FHIP1B: variants seen among roughly 807,000 people sequenced by gnomAD.
FHIP1B encodes FHF complex subunit HOOK-interacting protein 1B.
Under a neutral mutation model 82.2 loss-of-function variants are expected in FHIP1B, and 28 were observed. The observed-to-expected ratio is 0.34, with a 90% CI of 0.25 to 0.47. FHIP1B has a LOEUF of 0.47. Among genes scored for constraint, FHIP1B ranks in the 20% least tolerant of loss-of-function variants. The probability of loss-of-function intolerance (pLI) is 1.00; values close to 1 mark genes in which losing one functional copy is unlikely to be tolerated. For synonymous variants in FHIP1B, 585 were observed against 516.1 expected (o/e 1.13, Z -1.81); for missense variants, 1,110 against 1,262.6 (o/e 0.88, Z 1.83).
intron 1 of FHIP1B, among the ~76,000 whole-genome samples, chr11:6,226,415 T>A (rs1234251662): frequency 6.6e-6 from 1 of 152,190 alleles, no homozygotes; most frequent in African/African-American, 2.4e-5. Context: ...AGCATAAACA[T>A]AAATCCAACA....
chr11:6,230,913 G>T (rs1847680258), intron 1 of FHIP1B, among the ~76,000 whole-genome samples: 1 of 152,206 alleles, frequency 6.6e-6, no homozygotes, highest in African/African-American at 2.4e-5. Flanking sequence ...ACAGACTAGG[G>T]AGTGGCACAC....
Position 6,222,594 on chromosome 11 carries a change from T to A in FHIP1B, c.1039A>T (p.Met347Leu). 1 of 1,613,902 alleles carries A rather than the reference T, an allele frequency of 6.2e-7. No individual in the cohort carries two copies. The highest frequency in any genetic ancestry group is 8.5e-7 in the Non-Finnish European group (1 of 1,179,974). The change falls in exon 6 of 12, where the codon ATG becomes TTG. Residue 347 changes from methionine (M) to leucine (L), a missense_variant. Transcript: ENST00000449352. ...PALHKTSVEE[M>L]IASTAYLELF... Reference sequence around the variant, plus strand: ...TCCAGATAGGCGGTACTGGCGATCATCTCCTCCACAGAGGTCTGCACAAAA... The same window carrying A: ...TCCAGATAGGCGGTACTGGCGATCAACTCCTCCACAGAGGTCTGCACAAAA...
intron 5 of FHIP1B, 45 bp from the exon 6 acceptor site, chr11:6,222,654 C>A (rs981848831): frequency 1.9e-6 from 3 of 1,597,826 alleles, no homozygotes; most frequent in Admixed American, 1.7e-5. Context: ...AGCTTCCCTG[C>A]ACATACAGGG....
chr11:6,217,144 C>T (rs546468658), intron 9 of FHIP1B: 10 of 703,978 alleles, frequency 1.4e-5, no homozygotes, highest in African/African-American at 8.7e-5. Context: ...ATACAAGGCT[C>T]AGATGTAAGT....
At chr11:6,227,478 T>C (rs1220365533) in intron 1 of FHIP1B, among the ~76,000 whole-genome samples, 1 of 152,224 alleles carries the variant, frequency 6.6e-6, no homozygotes, top group East Asian at 1.9e-4. Context: ...CAGTAAAAGA[T>C]AAAGCCATTA....
At position 6,222,889 on chromosome 11, in the gene FHIP1B, G is replaced by T. The variant is rs987926614; in HGVS notation, c.945C>A (p.His315Gln). The part of the protein sequence containing the change: ...EFCNAVIQVA[H>Q]PLVQKQLVDY... ...CAACCAACTGCTTCTGCACCAGGGG[G>T]TGAGCCACCTGTAGGAGTGCCAGAG... is the stretch of plus-strand genomic sequence containing the variant. Residue 315 changes from histidine (H) to glutamine (Q), a missense_variant, in exon 5 of 12, where the codon CAC becomes CAA. His to Gln is a conservative substitution (Grantham distance 24). Around this residue, in one of 6 missense-constraint regions of FHIP1B, gnomAD observed 467 missense variants for 602.9 expected, o/e 0.77. Coordinates refer to ENST00000449352, the MANE Select transcript of FHIP1B (RefSeq NM_001098794.2). 11 of 1,614,030 alleles carry T rather than the reference G, an allele frequency of 6.8e-6. No homozygotes were observed. Among genetic ancestry groups the T allele is most frequent in the South Asian group, 4.4e-5 (4 of 91,090 alleles).
intron 1 of FHIP1B, among the ~76,000 whole-genome samples, chr11:6,234,205 C>T (rs1358206011): frequency 1.3e-5 from 2 of 152,096 alleles, no homozygotes; most frequent in Non-Finnish European, 2.9e-5. Flanking sequence ...CGCAGGCTCC[C>T]ACCTGCGCCT....
At chr11:6,225,014 T>C (rs189256663) in intron 1 of FHIP1B, among the ~76,000 whole-genome samples, 256 of 152,346 alleles carry the variant, frequency 1.7e-3, no homozygotes, top group African/African-American at 5.8e-3. Context: ...CTCTATCATC[T>C]CTACCTTCAA....
Position 6,217,503 on chromosome 11 carries a change from G to A in FHIP1B, c.2083C>T (p.Pro695Ser), listed in dbSNP as rs763278437. The change falls in exon 9 of 12, where the codon CCC (proline) becomes TCC (serine). Residue 695 changes from proline (P) to serine (S), a missense_variant. This residue lies in a region of FHIP1B where 418 missense variants were observed against 371.4 expected (regional missense o/e 1.13). Transcript: ENST00000449352. ...LSNGGTGSES[P>S]LEPPLPLEEE... is the part of the protein sequence containing the mutation. ...TCAAGGGGCAGTGGAGGTTCTAAGG[G>A]GGACTCTGAGCCAGTTCCCCCATTG... 7 of 1,612,786 alleles carry A rather than the reference G, an allele frequency of 4.3e-6. No homozygotes were observed. In the South Asian group the frequency reaches 7.7e-5, roughly 18 times the overall value.
chr11:6,224,457 A>G lies in FHIP1B; in HGVS notation c.60T>C (p.Pro20=). 6.2e-7 allele frequency: 1 copy of G among 1,613,922 alleles called. No homozygotes were observed. Among genetic ancestry groups the G allele is most frequent in the Non-Finnish European group, 8.5e-7 (1 of 1,179,934 alleles). ...CTGGGGTTTGGAGATTGGCCCCTTG[A>G]GGTATACGGTGCCCAGGGCCCCGGG... The part of the protein sequence containing the change: ...LASRGPGHRI[P]QGANLQTPVM... Residue 20 remains proline, a synonymous_variant, in exon 2 of 12, where the codon CCT becomes CCC. Coordinates refer to ENST00000449352, the MANE Select transcript of FHIP1B (RefSeq NM_001098794.2).
Position 6,217,519 on chromosome 11 carries a change from TC to T in FHIP1B, c.2066del (p.Gly689GlufsTer8). The T allele has an allele frequency of 6.2e-7, 1 of 1,611,528 alleles. No homozygotes were observed. Among genetic ancestry groups the T allele is most frequent in the Non-Finnish European group, 8.5e-7 (1 of 1,178,458 alleles). Reference protein sequence around the residue: ...RELEVALSNGGTGSESPLEPP... With the variant: ...RELEVALSNGXTGSESPLEPP... ...GTTCTAAGGGGGACTCTGAGCCAGTTCCCCCATTGCTCAATGCCACCTCTAG... is the reference window on the plus strand; with the variant it reads ...GTTCTAAGGGGGACTCTGAGCCAGTTCCCCATTGCTCAATGCCACCTCTAG... On this transcript the variant is annotated frameshift_variant, in exon 9 of 12. Coordinates refer to ENST00000449352, the MANE Select transcript of FHIP1B (RefSeq NM_001098794.2). LOFTEE classifies it high-confidence loss of function.
rs746901922 is a variant in FHIP1B, at chr11:6,223,149, T to C, written c.867A>G (p.Glu289=). 1 of 1,608,170 alleles carries C rather than the reference T, an allele frequency of 6.2e-7. No individual in the cohort carries two copies. Among genetic ancestry groups the C allele is most frequent in the East Asian group, 2.2e-5 (1 of 44,844 alleles). ...PGDDWHCLRR[E]DWLGVPALAL... Reference sequence around the variant, plus strand: ...CAAGGGCTGGCACTCCCAGCCAGTCTTCCCGTCGCAGACAGTGCCAATCAT... The same window carrying C: ...CAAGGGCTGGCACTCCCAGCCAGTCCTCCCGTCGCAGACAGTGCCAATCAT... The change falls in exon 4 of 12, where the codon GAA becomes GAG. Residue 289 remains glutamate (E), a synonymous_variant. Transcript: ENST00000449352. This position sits in a 1 kb window ranked among gnomAD's most constrained non-coding sequence, Gnocchi z 4.8.
At chr11:6,230,191 C>T (rs1334825576) in intron 1 of FHIP1B, among the ~76,000 whole-genome samples, 1 of 152,178 alleles carries the variant, frequency 6.6e-6, no homozygotes, top group Non-Finnish European at 1.5e-5. Context: ...GGCTCAGCCT[C>T]ACTTATGAAC....
rs760780932 is a variant in FHIP1B at position 6,214,428 on chromosome 11, C to T, written c.2540G>A (p.Arg847His). Residue 847 changes from arginine (R) to histidine (H), a missense_variant, in exon 11 of 12, where the codon CGC becomes CAC. Physicochemically the swap from Arg to His is conservative, Grantham distance 29. This residue lies in a region of FHIP1B where 147 missense variants were observed against 154.0 expected (regional missense o/e 0.95). Transcript: ENST00000449352. The stretch of plus-strand genomic sequence containing the variant: ...GGCCTCACCTAGGGGATCAGAACGG[C>T]GTGGGGCAGGTCCTGCTGCAGGGCC... ...AEGPAAGPAP[R>H]RSDPLVKSRR... 9.3e-6 allele frequency: 15 copies of T among 1,611,630 alleles called. No individual in the cohort carries two copies. Among genetic ancestry groups the T allele is most frequent in the African/African-American group, 4.0e-5 (3 of 74,876 alleles).
intron 6 of FHIP1B, among the ~76,000 whole-genome samples, chr11:6,220,800 G>A (rs888898930): frequency 6.6e-6 from 1 of 151,884 alleles, no homozygotes; most frequent in Admixed American, 6.5e-5. Flanking sequence ...ACAAAAGGAA[G>A]AAACAACAGA....
chr11:6,211,498 G>A lies in FHIP1B; in HGVS notation c.*8C>T, dbSNP rs750647959. On this transcript the variant is annotated 3_prime_UTR_variant, in exon 12 of 12. Transcript: ENST00000449352. ...CCACCCATGGCCCTGATTGTCCATG[G>A]AAGAAAGTTAAGGATTGAGGGGCCC... 6.4e-7 allele frequency: 1 copy of A among 1,572,022 alleles called. No individual in the cohort carries two copies. Among genetic ancestry groups the A allele is most frequent in the Non-Finnish European group, 8.6e-7 (1 of 1,162,656 alleles).
intron 11 of FHIP1B, among the ~76,000 whole-genome samples, chr11:6,212,698 T>C (rs183410767): frequency 6.6e-4 from 101 of 152,332 alleles, no homozygotes; most frequent in South Asian, 2.9e-3. Context: ...ATTTCCTACA[T>C]CTAATACTGG....
intron 1 of FHIP1B, among the ~76,000 whole-genome samples, chr11:6,231,865 C>G (rs527718553): frequency 1.3e-5 from 2 of 152,276 alleles, no homozygotes; most frequent in South Asian, 2.1e-4. Context: ...TTTCATGTGT[C>G]TCTCTCTCCC....
intron 2 of FHIP1B, 51 bp downstream of exon 2, chr11:6,224,328 G>A: frequency 2.5e-6 from 4 of 1,614,184 alleles, no homozygotes; most frequent in Non-Finnish European, 3.4e-6. Context: ...TAGAAGGCTG[G>A]GAGAACTCAG....
Sources: gnomAD v4.1 joint callset for allele counts (sites outside exome capture counted in the v4.1 genomes callset) on GRCh38, gnomAD v4.1.1 for gene constraint, gnomAD v4.1.1 regional missense constraint, Gnocchi (gnomAD v3.1) non-coding constraint, MANE v1.5 for transcripts, NCBI Gene and HGNC (gene_info 2026-07-23, HGNC 2026-07-21) for gene names.